Variants in SLC4A10 observed in about 807,000 individuals in gnomAD.
The protein encoded by SLC4A10 is solute carrier family 4 member 10.
SLC4A10 carries 42 observed loss-of-function variants against 137.7 expected under a neutral mutation model. The ratio of observed to expected loss-of-function variants is 0.30; its 90% CI spans 0.24 to 0.39. The LOEUF is 0.39. SLC4A10 is among the 10% of genes least tolerant of loss of function. SLC4A10 has a pLI of 1.00. For synonymous variants in SLC4A10, 474 were observed against 464.1 expected (o/e 1.02, Z -0.27); for missense variants, 925 against 1,355.0 (o/e 0.68, Z 4.98).
chr2:161,649,093 G>T (rs1170893280), intron 1 of SLC4A10, among the ~76,000 whole-genome samples: 2 of 152,164 alleles, frequency 1.3e-5, no homozygotes, highest in Non-Finnish European at 2.9e-5. Context: ...TGTGGGCCAG[G>T]AACAGTGGCT....
At chr2:161,830,474 T>G (rs985874211) in intron 3 of SLC4A10, among the ~76,000 whole-genome samples, 37 of 141,246 alleles carry the variant, frequency 2.6e-4, no homozygotes, top group Non-Finnish European at 4.2e-4. Context: ...AGTTGTGAGG[T>G]TTTTTTTTTT....
intron 17 of SLC4A10, among the ~76,000 whole-genome samples, chr2:161,948,351 T>C (rs1479093164): frequency 6.6e-6 from 1 of 152,086 alleles, no homozygotes; most frequent in Admixed American, 6.6e-5. Flanking sequence ...TCTGGAAAAA[T>C]ATTTCAAGAA....
At chr2:161,765,082 T>C (rs1186037213) in intron 1 of SLC4A10, among the ~76,000 whole-genome samples, 1 of 152,120 alleles carries the variant, frequency 6.6e-6, no homozygotes, top group East Asian at 1.9e-4. Flanking sequence ...GAAATAAATT[T>C]AACAGTTAGT....
intron 22 of SLC4A10, among the ~76,000 whole-genome samples, chr2:161,964,808 T>A (rs1159754259): frequency 1.3e-5 from 2 of 152,158 alleles, no homozygotes; most frequent in South Asian, 2.1e-4. Flanking sequence ...ATAGGTTTTT[T>A]AAAATAGCTT....
At chr2:161,928,400 T>A (rs1264229735) in intron 15 of SLC4A10, among the ~76,000 whole-genome samples, 5 of 141,062 alleles carry the variant, frequency 3.5e-5, no homozygotes, top group East Asian at 2.1e-4. Context: ...GAGGGATAGC[T>A]TTAGGAGATA....
At chr2:161,883,091 A>C (rs997391326) in intron 10 of SLC4A10, among the ~76,000 whole-genome samples, 2 of 152,130 alleles carry the variant, frequency 1.3e-5, no homozygotes, top group Non-Finnish European at 2.9e-5. Flanking sequence ...AAAAAGTAGC[A>C]TCATACCACT....
intron 1 of SLC4A10, among the ~76,000 whole-genome samples, chr2:161,715,955 G>A (rs2044822489): frequency 6.6e-6 from 1 of 152,126 alleles, no homozygotes; most frequent in Non-Finnish European, 1.5e-5. Flanking sequence ...CACCAAAAAT[G>A]TAAAAGTGTT....
intron 10 of SLC4A10, among the ~76,000 whole-genome samples, chr2:161,885,593 G>A (rs2062199005): frequency 6.6e-6 from 1 of 152,080 alleles, no homozygotes; most frequent in African/African-American, 2.4e-5. Context: ...CTTGAATCAA[G>A]CCAATAATTT....
At chr2:161,820,961 C>A (rs1157114620) in intron 3 of SLC4A10, among the ~76,000 whole-genome samples, 7 of 152,012 alleles carry the variant, frequency 4.6e-5, no homozygotes, top group African/African-American at 1.7e-4. Flanking sequence ...TAATTCCATT[C>A]TTTTAACATT....
At chr2:161,964,088 ATTG>A in intron 21 of SLC4A10, 44 bp from the exon 22 acceptor site, 1 of 1,493,598 alleles carries the variant, frequency 6.7e-7, no homozygotes, top group Non-Finnish European at 9.0e-7. Context: ...TCCTACTTTT[ATTG>A]TTGTCTTACA....
intron 1 of SLC4A10, among the ~76,000 whole-genome samples, chr2:161,655,461 G>T (rs1558956624): frequency 1.3e-5 from 2 of 152,142 alleles, no homozygotes; most frequent in African/African-American, 4.8e-5. Flanking sequence ...AAAGCTTTCA[G>T]TTTTTTCACA....
At chr2:161,745,698 T>C (rs1001524248) in intron 1 of SLC4A10, among the ~76,000 whole-genome samples, 32 of 152,168 alleles carry the variant, frequency 2.1e-4, no homozygotes, top group Non-Finnish European at 1.0e-4. Context: ...GTTTGTTCCC[T>C]TTCTTTTTGA....
rs184627376 is a variant in SLC4A10, at chr2:161,649,235, C to T, written c.48+24669C>T. Among the ~76,000 whole-genome samples the T allele has an allele frequency of 8.5e-4, 130 of 152,238 alleles. 1 individual carries two copies. Among genetic ancestry groups the T allele is most frequent in the Admixed American group, 8.5e-3 (130 of 15,290 alleles). On this transcript the variant is annotated intron_variant, in intron 1 of 26. Coordinates refer to ENST00000446997, the MANE Select transcript of SLC4A10 (RefSeq NM_001178015.2). The stretch of plus-strand genomic sequence containing the variant: ...ATACAGAAAATTAGCTGGGCATGTT[C>T]CTGTAGTCCCAGCTACTCGGAAAGC...
intron 3 of SLC4A10, among the ~76,000 whole-genome samples, chr2:161,807,816 G>C (rs192874819): frequency 1.3e-5 from 2 of 150,140 alleles, no homozygotes; most frequent in African/African-American, 5.0e-5. Flanking sequence ...GTAAATAATC[G>C]AATTAAACTT....
Position 161,984,558 on chromosome 2 carries a change from T to C in SLC4A10, c.*1406T>C, listed in dbSNP as rs1700605633. ...TTATGTACTCTGTTGGAAGTGCACA[T>C]GAAAAGTGAAGAAAAGTTCCTCTTG... is the stretch of plus-strand genomic sequence containing the variant. On this transcript the variant is annotated 3_prime_UTR_variant, in exon 27 of 27. Transcript: ENST00000446997. The C allele has an allele frequency of 6.6e-6, 1 of 152,098 alleles. No individual in the cohort carries two copies. The highest frequency in any genetic ancestry group is 2.4e-5 in the African/African-American group (1 of 41,440). The allele number at this position is 152,098 out of a possible 1,614,324, so 9.4% of individuals were successfully genotyped here.
intron 1 of SLC4A10, among the ~76,000 whole-genome samples, chr2:161,673,474 A>C (rs1360958551): frequency 6.6e-6 from 1 of 152,198 alleles, no homozygotes; most frequent in Non-Finnish European, 1.5e-5. Context: ...GGGGAAGAAT[A>C]AATGCTTTTT....
At chr2:161,935,905 A>T (rs544785814) in intron 15 of SLC4A10, among the ~76,000 whole-genome samples, 3 of 152,160 alleles carry the variant, frequency 2.0e-5, no homozygotes, top group East Asian at 3.9e-4. Flanking sequence ...CCATTGAATA[A>T]GATATTAGCT....
At chr2:161,807,468 C>T (rs1458813291) in intron 3 of SLC4A10, among the ~76,000 whole-genome samples, 2 of 152,090 alleles carry the variant, frequency 1.3e-5, no homozygotes, top group African/African-American at 4.8e-5. Context: ...CATATTCACT[C>T]CATCCCTGAA....
chr2:161,974,718 T>G (rs577507587), intron 24 of SLC4A10, among the ~76,000 whole-genome samples: 43 of 152,314 alleles, frequency 2.8e-4, no homozygotes, highest in Admixed American at 9.8e-4. Flanking sequence ...AAGTGGAATT[T>G]CCAATGACAT....
Sources: gnomAD v4.1 joint callset for allele counts (sites outside exome capture counted in the v4.1 genomes callset) on GRCh38, gnomAD v4.1.1 for gene constraint, MANE v1.5 for transcripts, NCBI Gene and HGNC (gene_info 2026-07-23, HGNC 2026-07-21) for gene names.